The following LY75 variants were observed in gnomAD, a reference collection of about 807,000 sequenced individuals.
LY75 encodes the protein C-type lectin domain family 13 member B.
In LY75, 185 loss-of-function variants were observed where a neutral mutation model predicts 231.7. The observed-to-expected ratio is 0.80, with a 90% confidence interval of 0.71 to 0.90. The LOEUF (loss-of-function observed/expected upper bound fraction) is 0.90, where lower values mean the gene tolerates loss of function less well. LY75 is among the 40% of genes least tolerant of loss of function. The pLI is 0.00. For synonymous variants in LY75, 668 were observed against 689.0 expected (o/e 0.97, Z 0.48); for missense variants, 1,947 against 2,050.2 (o/e 0.95, Z 0.97).
At chr2:159,889,704 CT>C (rs1288099382) in intron 4 of LY75, among the ~76,000 whole-genome samples, 1 of 152,110 alleles carries the variant, frequency 6.6e-6, no homozygotes, top group East Asian at 1.9e-4. Context: ...AAAATTACCA[CT>C]ACCATCCCCC....
At chr2:159,818,057 T>A (rs200403520) in intron 29 of LY75, among the ~76,000 whole-genome samples, 11 of 151,008 alleles carry the variant, frequency 7.3e-5, no homozygotes, top group African/African-American at 1.7e-4. Context: ...TCCAAAAAAA[T>A]AAATAAATAA....
intron 2 of LY75, among the ~76,000 whole-genome samples, chr2:159,894,404 C>T (rs1255947891): frequency 6.6e-6 from 1 of 152,206 alleles, no homozygotes; most frequent in East Asian, 1.9e-4. Flanking sequence ...CTGGCTTGAT[C>T]AGGTGAGGGT....
intron 23 of LY75, among the ~76,000 whole-genome samples, chr2:159,843,913 G>C (rs13025687): frequency 0.25 from 37,720 of 151,966 alleles, 5,891 homozygotes; most frequent in African/African-American, 0.43. Flanking sequence ...CACTGCACCT[G>C]ATAAATTGGT....
At chr2:159,904,527 G>T in intron 1 of LY75, 62 bp downstream of exon 1, 2 of 1,453,852 alleles carry the variant, frequency 1.4e-6, no homozygotes, top group Non-Finnish European at 1.8e-6. Flanking sequence ...CAGGCTGGAA[G>T]GCAGCAGAGC....
rs571594195 is a variant in LY75, at chr2:159,831,730, C to T, written c.3898G>A (p.Glu1300Lys). Reference sequence around the variant, plus strand: ...ATATAATTGAAGTACAGCAGTTGCTCAAGAACAAAGTTATTCTCCTTTTCA... The same window carrying T: ...ATATAATTGAAGTACAGCAGTTGCTTAAGAACAAAGTTATTCTCCTTTTCA... ...RDEKENNFVL[E>K]QLLYFNYMAS... Residue 1300 changes from glutamate (E) to lysine (K), a missense_variant, in exon 28 of 35, where the codon GAG becomes AAG. By Grantham distance (56) the Glu-to-Lys change is moderately conservative. Coordinates refer to ENST00000263636, the MANE Select transcript of LY75 (RefSeq NM_002349.4). The T allele has an allele frequency of 2.1e-5, 34 of 1,612,584 alleles. No homozygotes were observed. Among genetic ancestry groups the T allele is most frequent in the Non-Finnish European group, 2.8e-5 (33 of 1,179,518 alleles).
chr2:159,875,613 G>A lies in LY75; in HGVS notation c.1805C>T (p.Thr602Ile), dbSNP rs753633863. The A allele has an allele frequency of 1.2e-6, 2 of 1,613,978 alleles. No homozygotes were observed. Among genetic ancestry groups the A allele is most frequent in the East Asian group, 2.2e-5 (1 of 44,876 alleles). ...ASPGGCVAMS[T>I]GKSVGKWEVK... ...CTCCCACTTTCCAACAGACTTTCCAGTAGACATAGCCACGCAGCCGCCCGG... is the reference window on the plus strand; with the variant it reads ...CTCCCACTTTCCAACAGACTTTCCAATAGACATAGCCACGCAGCCGCCCGG... The change falls in exon 12 of 35, where the codon ACT becomes ATT. Residue 602 changes from threonine (T) to isoleucine (I), a missense_variant. Coordinates refer to ENST00000263636, the MANE Select transcript of LY75 (RefSeq NM_002349.4).
chr2:159,818,009 A>G (rs1425670689), intron 29 of LY75, among the ~76,000 whole-genome samples: 1 of 152,190 alleles, frequency 6.6e-6, no homozygotes, highest in Non-Finnish European at 1.5e-5. Context: ...AGATGGCGCC[A>G]CTGCACTCCA....
intron 1 of LY75, 164 bp from the exon 2 acceptor site, chr2:159,899,223 G>A: frequency 1.2e-6 from 1 of 853,482 alleles, no homozygotes; most frequent in Non-Finnish European, 1.4e-6. Context: ...GGTGAGCAGA[G>A]AGGCAGTGCA....
chr2:159,850,265 T>C, intron 22 of LY75, 97 bp downstream of exon 22: 1 of 1,519,180 alleles, frequency 6.6e-7, no homozygotes, highest in Non-Finnish European at 8.8e-7. Flanking sequence ...ACAAAAGAAG[T>C]TTAATAAGAA....
In LY75 at chr2:159,819,877, T is replaced by C; in HGVS notation, c.4002A>G (p.Thr1334=). 6.2e-7 allele frequency: 1 copy of C among 1,613,666 alleles called. No homozygotes were observed. The highest frequency in any genetic ancestry group is 8.5e-7 in the Non-Finnish European group (1 of 1,179,882). The part of the protein sequence containing the change: ...MWFDKTPLSY[T]HWRAGRPTIK... ...TAGTTGGTCTTCCTGCTCTCCAATG[T>C]GTATATGACAGTGGGGTCTTATCAA... The change falls in exon 29 of 35, where the codon ACA becomes ACG. Residue 1334 remains threonine (T), a synonymous_variant. Transcript: ENST00000263636.
At chr2:159,876,884 C>T (rs549630716) in intron 11 of LY75, among the ~76,000 whole-genome samples, 3 of 151,626 alleles carry the variant, frequency 2.0e-5, no homozygotes, top group East Asian at 1.9e-4. Flanking sequence ...TGGCAGGTGC[C>T]TGTAATCCCA....
intron 28 of LY75, among the ~76,000 whole-genome samples, chr2:159,830,609 T>C (rs1264521639): frequency 7.5e-6 from 1 of 134,008 alleles, no homozygotes; most frequent in Non-Finnish European, 1.6e-5. Context: ...TTTTTTGAGA[T>C]GGAGTCTTGA....
intron 5 of LY75, among the ~76,000 whole-genome samples, chr2:159,885,952 A>T (rs1472171397): frequency 1.3e-5 from 2 of 152,134 alleles, no homozygotes; most frequent in Non-Finnish European, 2.9e-5. Flanking sequence ...TCCCTAAAAG[A>T]CTTTCTTTGA....
In LY75 at chr2:159,858,867, T is replaced by C. The variant is rs568473302; in HGVS notation, c.2269-391A>G. Among the ~76,000 whole-genome samples, 18 of 152,308 alleles carry C rather than the reference T, an allele frequency of 1.2e-4. 1 individual carries two copies. In the South Asian group the frequency reaches 3.7e-3, roughly 32 times the overall value. ...GGTGTTACCATGCCATTTCTAGGAT[T>C]TTGCCCTTCTCCACATGGTCCAGGA... On this transcript the variant is annotated intron_variant, in intron 15 of 34. Coordinates refer to ENST00000263636, the MANE Select transcript of LY75 (RefSeq NM_002349.4).
chr2:159,904,311 G>A (rs1686169990), intron 1 of LY75, among the ~76,000 whole-genome samples: 1 of 152,240 alleles, frequency 6.6e-6, no homozygotes, highest in Non-Finnish European at 1.5e-5. Context: ...AAAAGCCTCC[G>A]TGCGCCTACT....
At chr2:159,817,424 A>G (rs1683153608) in intron 29 of LY75, among the ~76,000 whole-genome samples, 1 of 152,188 alleles carries the variant, frequency 6.6e-6, no homozygotes, top group Non-Finnish European at 1.5e-5. Flanking sequence ...AAGACTAAAA[A>G]GAAATAAGGG....
chr2:159,811,561 T>C (rs2729725), intron 31 of LY75, among the ~76,000 whole-genome samples: 140,977 of 152,316 alleles, frequency 0.93, 65,416 homozygotes, highest in African/African-American at 0.96. Flanking sequence ...CAAACTATTG[T>C]TTTGTAATGC....
intron 28 of LY75, among the ~76,000 whole-genome samples, chr2:159,830,296 C>T (rs1461456809): frequency 6.6e-6 from 1 of 152,116 alleles, no homozygotes; most frequent in African/African-American, 2.4e-5. Context: ...CTTCCCTACC[C>T]CTGGTTATCA....
chr2:159,845,021 T>C (rs895951267), intron 23 of LY75, among the ~76,000 whole-genome samples: 1 of 152,144 alleles, frequency 6.6e-6, no homozygotes, highest in East Asian at 1.9e-4. Flanking sequence ...CTTAGGATTA[T>C]GGCCTCCAGC....
Sources: gnomAD v4.1 joint callset for allele counts (sites outside exome capture counted in the v4.1 genomes callset) on GRCh38, gnomAD v4.1.1 for gene constraint, MANE v1.5 for transcripts, NCBI Gene and HGNC (gene_info 2026-07-23, HGNC 2026-07-21) for gene names.